Variants in TLDC2 observed in about 807,000 individuals in gnomAD.
The protein encoded by TLDC2 is TBC/LysM-associated domain containing 2, also known as TLD domain-containing protein 2.
In TLDC2, 23 loss-of-function variants were observed where a neutral mutation model predicts 27.9. That is an observed-to-expected ratio of 0.82 (90% CI 0.59 to 1.17). The LOEUF (loss-of-function observed/expected upper bound fraction) is 1.17, where lower values mean the gene tolerates loss of function less well. Among genes scored for constraint, TLDC2 ranks in the 50% most tolerant of loss-of-function variants. The pLI, the probability that TLDC2 is intolerant of heterozygous loss-of-function variation, is 0.00. For missense variants in TLDC2, 286 were observed against 273.4 expected (o/e 1.05, Z -0.32); for synonymous variants, 124 against 107.4 (o/e 1.16, Z -0.96).
chr20:36,888,704 CAAAA>C (rs35828858), intron 5 of TLDC2, among the ~76,000 whole-genome samples: 11 of 62,766 alleles, frequency 1.8e-4, no homozygotes, highest in African/African-American at 4.8e-4. Context: ...AGACTCCTAT[CAAAA>C]AAAAAAAAAA....
At chr20:36,881,652 G>A (rs1333334178) in intron 4 of TLDC2, among the ~76,000 whole-genome samples, 2 of 152,152 alleles carry the variant, frequency 1.3e-5, no homozygotes, top group Non-Finnish European at 2.9e-5. Context: ...GCTTAACACC[G>A]GCAGAGAGGG....
intron 4 of TLDC2, among the ~76,000 whole-genome samples, chr20:36,886,891 G>A (rs1989932801): frequency 6.6e-6 from 1 of 152,182 alleles, no homozygotes; most frequent in Non-Finnish European, 1.5e-5. Context: ...GCAGAGGAGA[G>A]ATAACATCTG....
intron 4 of TLDC2, among the ~76,000 whole-genome samples, chr20:36,882,987 C>T (rs1274013485): frequency 1.3e-5 from 2 of 152,190 alleles, no homozygotes; most frequent in African/African-American, 2.4e-5. Flanking sequence ...GTTCTCATCT[C>T]TTCTCTAGTG....
At chr20:36,879,344 C>T (rs1989750549) in intron 3 of TLDC2, 151 bp downstream of exon 3, 1 of 1,072,614 alleles carries the variant, frequency 9.3e-7, no homozygotes, top group African/African-American at 1.6e-5. Context: ...GACCTGCCCA[C>T]TCAGAGCCAT....
At chr20:36,879,463 T>A (rs1989752867) in intron 3 of TLDC2, among the ~76,000 whole-genome samples, 1 of 152,184 alleles carries the variant, frequency 6.6e-6, no homozygotes, top group African/African-American at 2.4e-5. Flanking sequence ...CTCTTGGAGC[T>A]AATGGTCTAA....
At chr20:36,877,568 A>G (rs572375906) in intron 1 of TLDC2, among the ~76,000 whole-genome samples, 31 of 145,436 alleles carry the variant, frequency 2.1e-4, no homozygotes, top group Non-Finnish European at 3.9e-4. Flanking sequence ...CAAGCTTAGA[A>G]CTTGATCCCT....
At chr20:36,886,359 G>A (rs1333754259) in intron 4 of TLDC2, among the ~76,000 whole-genome samples, 3 of 152,174 alleles carry the variant, frequency 2.0e-5, no homozygotes, top group East Asian at 3.9e-4. Context: ...TCTTTGGGAG[G>A]CCAAGGCAGG....
At chr20:36,882,596 C>G (rs1473523087) in intron 4 of TLDC2, among the ~76,000 whole-genome samples, 1 of 152,176 alleles carries the variant, frequency 6.6e-6, no homozygotes, top group Non-Finnish European at 1.5e-5. Flanking sequence ...TTAGAGATCT[C>G]TCCAATGCAC....
intron 3 of TLDC2, among the ~76,000 whole-genome samples, chr20:36,880,095 A>ATGTGTG (rs1555828585): frequency 5.0e-4 from 19 of 37,714 alleles, no homozygotes; most frequent in South Asian, 1.2e-3. Flanking sequence ...ATATATATAT[A>ATGTGTG]TATATACTTT....
intron 4 of TLDC2, 55 bp downstream of exon 4, chr20:36,880,805 C>T: frequency 1.3e-6 from 2 of 1,544,856 alleles, no homozygotes; most frequent in Non-Finnish European, 1.8e-6. Flanking sequence ...GACAAAGCTC[C>T]CGGGGTCCCA....
chr20:36,882,537 T>A (rs555507296), intron 4 of TLDC2, among the ~76,000 whole-genome samples: 11 of 99,532 alleles, frequency 1.1e-4, no homozygotes, highest in East Asian at 5.8e-4. Flanking sequence ...TTAAAAAAAA[T>A]TTTTTTTTAA....
rs1267617717 is a variant in TLDC2, at chr20:36,879,118, C to G, written c.267C>G (p.Ser89Arg). The G allele has an allele frequency of 1.9e-6, 3 of 1,614,144 alleles. No homozygotes were observed. The highest frequency in any genetic ancestry group is 1.7e-6 in the Non-Finnish European group (2 of 1,180,024). Residue 89 changes from serine (S) to arginine (R), a missense_variant, in exon 3 of 7, where the codon AGC becomes AGG. Ser to Arg is a moderately radical substitution (Grantham distance 110, BLOSUM62 -1). Coordinates refer to ENST00000217320, the MANE Select transcript of TLDC2 (RefSeq NM_080628.3). ...TCTGCACGTCAAGGGACGGTTTCAG[C>G]CTGCAGAGCCTGTACCGGCGGATGG... ...LVFCTSRDGF[S>R]LQSLYRRMEG... is the part of the protein sequence containing the mutation.
At chr20:36,880,033 C>T (rs1466035070) in intron 3 of TLDC2, among the ~76,000 whole-genome samples, 1 of 105,970 alleles carries the variant, frequency 9.4e-6, no homozygotes, top group South Asian at 3.5e-4. Flanking sequence ...ATTACTTCTA[C>T]TTTTTTCTGT....
At chr20:36,881,379 CAAAA>C (rs11295785) in intron 4 of TLDC2, among the ~76,000 whole-genome samples, 2 of 118,762 alleles carry the variant, frequency 1.7e-5, no homozygotes, top group Admixed American at 8.6e-5. Flanking sequence ...GACCCTGTCT[CAAAA>C]AAAAAAAAAA....
intron 6 of TLDC2, chr20:36,890,396 C>CTCTTTCTTTCTTTCTTTTCTTTCTT (rs1555830159): frequency 1.4e-5 from 2 of 142,450 alleles, no homozygotes; most frequent in African/African-American, 5.2e-5. Context: ...ATATTTCTTT[C>CTCTTTCTTTCTTTCTTTTCTTTCTT]TCTTTCTTTC....
intron 4 of TLDC2, among the ~76,000 whole-genome samples, chr20:36,885,574 G>A (rs997158832): frequency 6.6e-6 from 1 of 152,168 alleles, no homozygotes; most frequent in East Asian, 1.9e-4. Context: ...AGGAGGACTT[G>A]AATGATTCTG....
At position 36,889,403 on chromosome 20, in the gene TLDC2, G is replaced by C. The variant is rs200052136; in HGVS notation, c.*17G>C. 9.9e-6 allele frequency: 16 copies of C among 1,612,252 alleles called. No individual in the cohort carries two copies. The highest frequency in any genetic ancestry group is 1.8e-4 in the Middle Eastern group (1 of 5,584). The stretch of plus-strand genomic sequence containing the variant: ...CTCAGCTGACAGCCCTGCGGCAACA[G>C]GTACTCAGCCCTGCTCATGATGCCA... On this transcript the variant is annotated splice_region_variant and 3_prime_UTR_variant, in exon 6 of 7. Transcript: ENST00000217320.
At chr20:36,892,671 T>G (rs2148351877) in intron 6 of TLDC2, 191 bp from the exon 7 acceptor site, 1 of 521,266 alleles carries the variant, frequency 1.9e-6, no homozygotes, top group African/African-American at 1.9e-5. Flanking sequence ...AAAAGAGTTG[T>G]TATTCTAAGA....
At chr20:36,885,142 G>C (rs1322065368) in intron 4 of TLDC2, among the ~76,000 whole-genome samples, 3 of 152,162 alleles carry the variant, frequency 2.0e-5, no homozygotes, top group Non-Finnish European at 4.4e-5. Context: ...CTCCCAGAGT[G>C]TTGGGATTAC....
Sources: allele counts gnomAD v4.1 joint callset (sites outside exome capture counted in the v4.1 genomes callset), GRCh38; gene constraint gnomAD v4.1.1; transcripts MANE v1.5; gene names NCBI Gene and HGNC (gene_info 2026-07-23, HGNC 2026-07-21).